NFIC: variants seen among roughly 807,000 people sequenced by gnomAD.
NFIC encodes the protein nuclear factor I C, also known as nuclear factor 1 C-type.
NFIC carries 12 observed loss-of-function variants against 54.4 expected under a neutral mutation model. That is an observed-to-expected ratio of 0.22 (90% CI 0.14 to 0.36). The LOEUF (loss-of-function observed/expected upper bound fraction) is 0.36. Among genes scored for constraint, NFIC ranks in the 10% least tolerant of loss-of-function variants. The pLI is 1.00. For synonymous variants in NFIC, 322 were observed against 319.2 expected, an observed-to-expected ratio of 1.01 and a Z score of -0.09; for missense variants, 575 against 718.2, an observed-to-expected ratio of 0.80 and a Z score of 2.28.
At chr19:3,456,329 C>T (rs1374286281) in intron 9 of NFIC, among the ~76,000 whole-genome samples, 2 of 152,210 alleles carry the variant, frequency 1.3e-5, no homozygotes, top group Non-Finnish European at 2.9e-5. Flanking sequence ...GCCGTGACCC[C>T]CGGGCCCCTC....
At chr19:3,368,046 T>C (rs2145425822) in intron 1 of NFIC, among the ~76,000 whole-genome samples, 1 of 144,766 alleles carries the variant, frequency 6.9e-6, no homozygotes, top group Middle Eastern at 3.5e-3. Context: ...CCAGCCTCAG[T>C]TTCCCTTTCT....
chr19:3,463,078 C>T lies in NFIC; in HGVS notation c.*309C>T. ...ACTGGAGGGCCAGGCCCCGCCACCC[C>T]CACGGGAGACCCGGGACAGGGCGTC... On this transcript the variant is annotated 3_prime_UTR_variant, in exon 11 of 11. Coordinates refer to ENST00000443272, the MANE Select transcript of NFIC (RefSeq NM_001245002.2). The T allele has an allele frequency of 7.7e-7, 1 of 1,307,026 alleles. No individual in the cohort carries two copies. Among genetic ancestry groups the T allele is most frequent in the Non-Finnish European group, 9.7e-7 (1 of 1,028,826 alleles). 81.0% of individuals were successfully genotyped at this position (1,307,026 alleles called of 1,614,324 possible).
At chr19:3,400,039 G>C (rs2081530763) in intron 2 of NFIC, among the ~76,000 whole-genome samples, 1 of 152,042 alleles carries the variant, frequency 6.6e-6, no homozygotes, top group South Asian at 2.1e-4. Flanking sequence ...GAAAACAAAA[G>C]AGTTTAGGAC....
upstream of NFIC, among the ~76,000 whole-genome samples, chr19:3,363,241 GTATATATATATA>G (rs1555736643): frequency 3.8e-3 from 289 of 77,048 alleles, 15 homozygotes; most frequent in Middle Eastern, 0.036. Context: ...GTATGTGTGT[GTATATATATATA>G]TATATATATA....
intron 10 of NFIC, 55 bp downstream of exon 10, chr19:3,456,690 C>A: frequency 7.4e-7 from 1 of 1,357,300 alleles, no homozygotes; most frequent in Non-Finnish European, 1.0e-6. Flanking sequence ...GAGGGGCCGG[C>A]CCGGGGGGCT....
At position 3,463,963 on chromosome 19, in the gene NFIC, C is replaced by G. The variant is rs1226690349; in HGVS notation, c.*1194C>G. ...AGTCAACCCTCATCGCCGTGCCCCCCCAGAGCTAGAGAGATGGGGCCCCTG... is the reference window on the plus strand; with the variant it reads ...AGTCAACCCTCATCGCCGTGCCCCCGCAGAGCTAGAGAGATGGGGCCCCTG... On this transcript the variant is annotated 3_prime_UTR_variant, in exon 11 of 11. Transcript: ENST00000443272. 1 of 985,220 alleles carries G rather than the reference C, an allele frequency of 1.0e-6. No homozygotes were observed. The highest frequency in any genetic ancestry group is 1.2e-6 in the Non-Finnish European group (1 of 829,878). The allele number at this position is 985,220 out of a possible 1,614,324, so 61.0% of individuals were successfully genotyped here. A position where few individuals can be genotyped will look rare whatever the true frequency, so the allele number is the denominator to read the frequency against.
At chr19:3,456,827 G>A in intron 10 of NFIC, 192 bp downstream of exon 10, 1 of 619,244 alleles carries the variant, frequency 1.6e-6, no homozygotes, top group Non-Finnish European at 2.9e-6. Context: ...CCTCCACCTT[G>A]GTCCTGGGGG....
chr19:3,452,408 A>T lies in NFIC; in HGVS notation c.1085-74A>T, dbSNP rs1056167139. 5 of 1,558,162 alleles carry T rather than the reference A, an allele frequency of 3.2e-6. No individual in the cohort carries two copies. Among genetic ancestry groups the T allele is most frequent in the Non-Finnish European group, 4.4e-6 (5 of 1,145,702 alleles). ...ATGCCGGCAGGAATGACACCCACAG[A>T]CACACAGTCACACGGTCACAGAGCA... On this transcript the variant is annotated intron_variant, in intron 7 of 10. Coordinates refer to ENST00000443272, the MANE Select transcript of NFIC (RefSeq NM_001245002.2). The surrounding 1 kb of genome is among the most constrained non-coding windows in gnomAD (Gnocchi z 5.3).
intron 1 of NFIC, among the ~76,000 whole-genome samples, chr19:3,368,567 C>A (rs1413867226): frequency 2.0e-5 from 3 of 152,182 alleles, no homozygotes; most frequent in African/African-American, 7.2e-5. Context: ...GCTCCCAGGC[C>A]AGAGTGGGGA....
chr19:3,364,556 A>G (rs1599543823), upstream of NFIC, among the ~76,000 whole-genome samples: 1 of 152,188 alleles, frequency 6.6e-6, no homozygotes, highest in South Asian at 2.1e-4. Flanking sequence ...TACCGCCACC[A>G]ATAATATTCA....
intron 2 of NFIC, among the ~76,000 whole-genome samples, chr19:3,423,821 G>A (rs1429259916): frequency 6.6e-6 from 1 of 152,070 alleles, no homozygotes; most frequent in African/African-American, 2.4e-5. Flanking sequence ...TGGGGTCCCT[G>A]AACGGCAACC....
intron 2 of NFIC, among the ~76,000 whole-genome samples, chr19:3,388,850 G>C: frequency 6.6e-6 from 1 of 150,648 alleles, no homozygotes; most frequent in Middle Eastern, 3.2e-3. Flanking sequence ...TTTTTAAGGG[G>C]TGATTGAGGC....
chr19:3,418,099 CTTTTTTT>C (rs778206013), intron 2 of NFIC, among the ~76,000 whole-genome samples: 1 of 132,488 alleles, frequency 7.5e-6, no homozygotes, highest in Admixed American at 7.5e-5. Flanking sequence ...ATTTTCTTTT[CTTTTTTT>C]TTTTTTTTTT....
chr19:3,429,559 C>T (rs749378679), intron 3 of NFIC, among the ~76,000 whole-genome samples: 7 of 152,124 alleles, frequency 4.6e-5, no homozygotes, highest in Admixed American at 2.0e-4. Flanking sequence ...CCGCTGCACT[C>T]GAGCCTGGGC....
chr19:3,371,806 G>A (rs1038486595), intron 1 of NFIC, among the ~76,000 whole-genome samples: 4 of 152,042 alleles, frequency 2.6e-5, no homozygotes, highest in Non-Finnish European at 4.4e-5. Context: ...TGGTGACCTG[G>A]AAAGGCCCAG....
At chr19:3,364,482 C>T (rs2080857507), upstream of NFIC, among the ~76,000 whole-genome samples, 1 of 152,116 alleles carries the variant, frequency 6.6e-6, no homozygotes, top group African/African-American at 2.4e-5. Context: ...TGCGGGGGTC[C>T]CTTGCCACCC....
At chr19:3,439,159 C>T (rs2082252140) in intron 6 of NFIC, among the ~76,000 whole-genome samples, 1 of 145,984 alleles carries the variant, frequency 6.9e-6, no homozygotes, top group African/African-American at 2.7e-5. Flanking sequence ...TGGCAAGACC[C>T]CATCTCTACT....
intron 1 of NFIC, 28 bp downstream of exon 1, chr19:3,366,694 GCGCCCC>G (rs2080892815): frequency 7.4e-7 from 1 of 1,354,736 alleles, no homozygotes; most frequent in South Asian, 1.8e-5. Flanking sequence ...CCCCCCGCCG[GCGCCCC>G]CGCGCCCCCC....
In NFIC at chr19:3,369,774, G is replaced by A. The variant is rs1403253350; in HGVS notation, c.30+3108G>A. Among the ~76,000 whole-genome samples, 2 of 151,186 alleles carry A rather than the reference G, an allele frequency of 1.3e-5. No individual in the cohort carries two copies. The highest frequency in any genetic ancestry group is 6.6e-5 in the Admixed American group (1 of 15,144). The stretch of plus-strand genomic sequence containing the variant: ...CTGCCTCCCTCCCGCTGGCGCCACC[G>A]CCACGTTAGTTATTCCGGGTTTGGG... On this transcript the variant is annotated intron_variant, in intron 1 of 10. Transcript: ENST00000443272. The surrounding 1 kb of genome is among the most constrained non-coding windows in gnomAD (Gnocchi z 4.3).
Sources: allele counts gnomAD v4.1 joint callset (sites outside exome capture counted in the v4.1 genomes callset), GRCh38; gene constraint gnomAD v4.1.1; non-coding constraint Gnocchi (gnomAD v3.1); transcripts MANE v1.5; gene names NCBI Gene and HGNC (gene_info 2026-07-23, HGNC 2026-07-21).